Variants in COQ8A observed in about 807,000 individuals in gnomAD.
COQ8A encodes the protein coenzyme Q8A, also known as atypical kinase COQ8A, mitochondrial.
In COQ8A, 51 loss-of-function variants were observed where a neutral mutation model predicts 65.0. The observed-to-expected ratio is 0.78, with a 90% CI of 0.63 to 0.99. The LOEUF is 0.99. Ranked by LOEUF, COQ8A falls within the 50% of genes least tolerant of loss-of-function variation. COQ8A has a pLI of 0.00. For missense variants in COQ8A, 940 were observed against 875.0 expected, an observed-to-expected ratio of 1.07 and a Z score of -0.94; for synonymous variants, 371 against 353.2, an observed-to-expected ratio of 1.05 and a Z score of -0.57.
intron 4 of COQ8A, among the ~76,000 whole-genome samples, chr1:226,971,154 T>C (rs1658887668): frequency 6.6e-6 from 1 of 152,090 alleles, no homozygotes; most frequent in South Asian, 2.1e-4. Flanking sequence ...TTGGCCAGGC[T>C]GATCTCGAAC....
intron 1 of COQ8A, among the ~76,000 whole-genome samples, chr1:226,944,692 T>TGA (rs1174520293): frequency 8.1e-5 from 7 of 86,740 alleles, no homozygotes; most frequent in Admixed American, 1.3e-4. Flanking sequence ...AGTTGTACCC[T>TGA]GAGAGAGAGA....
chr1:226,943,494 G>A (rs1217912592), intron 1 of COQ8A, among the ~76,000 whole-genome samples: 1 of 152,174 alleles, frequency 6.6e-6, no homozygotes. Context: ...AGGATGGCCC[G>A]AGTCCCCAAG....
chr1:226,956,017 C>T (rs1409144955), intron 1 of COQ8A, among the ~76,000 whole-genome samples: 4 of 133,430 alleles, frequency 3.0e-5, no homozygotes, highest in African/African-American at 9.4e-5. Flanking sequence ...CTGGCTCCCA[C>T]TCTCCCTGGT....
Position 226,965,310 on chromosome 1 carries a change from T to C in COQ8A, c.488T>C (p.Phe163Ser). The C allele has an allele frequency of 6.2e-7, 1 of 1,613,824 alleles. No homozygotes were observed. Among genetic ancestry groups the C allele is most frequent in the Non-Finnish European group, 8.5e-7 (1 of 1,179,990 alleles). ...FSAMGFQRRF[F>S]HQDQSPVGGL... is the part of the protein sequence containing the mutation. ...GCCATGGGCTTTCAGCGAAGGTTCT[T>C]CCACCAGGACCAATCCCCTGTTGGG... is the stretch of plus-strand genomic sequence containing the variant. The change falls in exon 3 of 15, where the codon TTC (phenylalanine) becomes TCC (serine). Residue 163 changes from phenylalanine (F) to serine (S), a missense_variant. Transcript: ENST00000366777.
In COQ8A at chr1:226,984,607, A is replaced by T; in HGVS notation, c.1458A>T (p.Gln486His). The T allele has an allele frequency of 6.2e-7, 1 of 1,614,134 alleles. No homozygotes were observed. Among genetic ancestry groups the T allele is most frequent in the Non-Finnish European group, 8.5e-7 (1 of 1,179,998 alleles). ...LRELFEFHFM[Q>H]TDPNWSNFFY... ...AGCTGTTCGAGTTCCACTTCATGCA[A>T]ACAGACCCCAACTGGTCCAACTTCT... The change falls in exon 12 of 15, where the codon CAA (glutamine) becomes CAT (histidine). Residue 486 changes from glutamine to histidine, a missense_variant. Gln to His is a conservative substitution (Grantham distance 24, BLOSUM62 0). Coordinates refer to ENST00000366777, the MANE Select transcript of COQ8A (RefSeq NM_020247.5).
At chr1:226,985,874 C>A (rs1366654456) in intron 14 of COQ8A, among the ~76,000 whole-genome samples, 1 of 152,166 alleles carries the variant, frequency 6.6e-6, no homozygotes, top group Non-Finnish European at 1.5e-5. Context: ...TATCTCTGAG[C>A]CCCCCTTATC....
intron 5 of COQ8A, among the ~76,000 whole-genome samples, chr1:226,979,341 G>A (rs1659553674): frequency 6.6e-6 from 1 of 152,196 alleles, no homozygotes; most frequent in South Asian, 2.1e-4. Context: ...GTGAACACCA[G>A]GCCGGGCTCC....
rs552968994 is a variant in COQ8A, at chr1:226,987,162, G to T, written c.*425G>T. On this transcript the variant is annotated 3_prime_UTR_variant, in exon 15 of 15. Transcript: ENST00000366777. Reference sequence around the variant, plus strand: ...TAGTAGGTGTGTGTATGTGTTTCTAGAGTGAGATTTGTGTTTTCTGCCCTT... The same window carrying T: ...TAGTAGGTGTGTGTATGTGTTTCTATAGTGAGATTTGTGTTTTCTGCCCTT... 115 of 203,752 alleles carry T rather than the reference G, an allele frequency of 5.6e-4. No homozygotes were observed. Among genetic ancestry groups the T allele is most frequent in the African/African-American group, 2.6e-3 (111 of 42,794 alleles). The allele number at this position is 203,752 out of a possible 1,614,324, so 12.6% of individuals were successfully genotyped here.
chr1:226,959,988 G>A (rs1333162967), intron 1 of COQ8A, among the ~76,000 whole-genome samples: 1 of 151,950 alleles, frequency 6.6e-6, no homozygotes, highest in Non-Finnish European at 1.5e-5. Context: ...AGTGCTTGGT[G>A]GTGTTGGTGC....
At chr1:226,983,498 A>C in intron 8 of COQ8A, 54 bp from the exon 9 acceptor site, 1 of 1,536,548 alleles carries the variant, frequency 6.5e-7, no homozygotes, top group East Asian at 2.2e-5. Flanking sequence ...TGCCCCAGGC[A>C]GGGCCCACCC....
At chr1:226,981,892 T>G in intron 5 of COQ8A, 135 bp from the exon 6 acceptor site, 2 of 1,322,476 alleles carry the variant, frequency 1.5e-6, no homozygotes, top group Non-Finnish European at 1.1e-6. Flanking sequence ...GGAACAGTAG[T>G]TAGTTATGTT....
intron 1 of COQ8A, among the ~76,000 whole-genome samples, chr1:226,955,489 TCTCTCTGGCTGCCACTCCCTGGTTCA>T (rs1657642434): frequency 7.0e-6 from 1 of 141,856 alleles, no homozygotes; most frequent in Non-Finnish European, 1.5e-5. Flanking sequence ...TGGCTGCCAC[TCTCTCTGGCTGCCACTCCCTGGTTCA>T]CACTCTCCCT....
rs141274935 is a variant in COQ8A, at chr1:226,954,519, G to A, written c.-9-6858G>A. Among the ~76,000 whole-genome samples, 829 of 152,384 alleles carry A rather than the reference G, an allele frequency of 5.4e-3. 4 individuals are homozygous for A. Among genetic ancestry groups the A allele is most frequent in the Non-Finnish European group, 8.0e-3 (543 of 68,036 alleles). On this transcript the variant is annotated intron_variant, in intron 1 of 14. Coordinates refer to ENST00000366777, the MANE Select transcript of COQ8A (RefSeq NM_020247.5). ...ACCTGCTGAGACGGAACCCTTAGGGGTGTGGCCCAGCACTCTGGACTCGTC... is the reference window on the plus strand; with the variant it reads ...ACCTGCTGAGACGGAACCCTTAGGGATGTGGCCCAGCACTCTGGACTCGTC...
chr1:226,945,827 TC>T (rs1657006931), intron 1 of COQ8A, among the ~76,000 whole-genome samples: 1 of 152,214 alleles, frequency 6.6e-6, no homozygotes, highest in Non-Finnish European at 1.5e-5. Flanking sequence ...AGTGACTGCG[TC>T]CCCTGCTCCC....
rs563269460 is a variant in COQ8A at position 226,976,457 on chromosome 1, C to CGGGTGCG, written c.656-981_656-975dup. Among the ~76,000 whole-genome samples the CGGGTGCG allele has an allele frequency of 4.3e-3, 646 of 151,398 alleles. 3 individuals carry two copies. Among genetic ancestry groups the CGGGTGCG allele is most frequent in the African/African-American group, 0.015 (601 of 41,224 alleles). ...GGGGCTGCGGGGCTGCGATGTTGCC[C>CGGGTGCG]GGGTGCGGGGTGCGGGGCTCTCCGA... On this transcript the variant is annotated intron_variant, in intron 4 of 14. Coordinates refer to ENST00000366777, the MANE Select transcript of COQ8A (RefSeq NM_020247.5).
intron 2 of COQ8A, among the ~76,000 whole-genome samples, chr1:226,964,131 T>C (rs1009177484): frequency 6.6e-6 from 1 of 152,220 alleles, no homozygotes; most frequent in Non-Finnish European, 1.5e-5. Flanking sequence ...TCCTGCTGTC[T>C]GCATACCCTG....
At chr1:226,961,655 G>A in intron 2 of COQ8A, 93 bp downstream of exon 2, 1 of 1,443,402 alleles carries the variant, frequency 6.9e-7, no homozygotes, top group Non-Finnish European at 9.3e-7. Context: ...ATGGCAACTG[G>A]TCTTTGGTGG....
chr1:226,954,664 A>G (rs568998073), intron 1 of COQ8A, among the ~76,000 whole-genome samples: 5 of 152,358 alleles, frequency 3.3e-5, no homozygotes, highest in Non-Finnish European at 7.4e-5. Context: ...CAGCCAGAGA[A>G]TAGCAGGCTT....
rs776724822 is a variant in COQ8A at position 226,984,149 on chromosome 1, T to C, written c.1312T>C (p.Cys438Arg). The C allele has an allele frequency of 3.1e-6, 5 of 1,613,884 alleles. No individual in the cohort carries two copies. In the South Asian group the frequency reaches 5.5e-5, roughly 18 times the overall value. The change falls in exon 11 of 15, where the codon TGC becomes CGC. Residue 438 changes from cysteine (C) to arginine (R), a missense_variant. By Grantham distance (180) the Cys-to-Arg change is radical. Transcript: ENST00000366777. ...TGTGCCTGAGATTGTGGATGAGCTC[T>C]GCAGCCCACATGTGCTGACCACAGA... The part of the protein sequence containing the change: ...FYVPEIVDEL[C>R]SPHVLTTELV...
Sources: allele counts gnomAD v4.1 joint callset (sites outside exome capture counted in the v4.1 genomes callset), GRCh38; gene constraint gnomAD v4.1.1; transcripts MANE v1.5; gene names NCBI Gene and HGNC (gene_info 2026-07-23, HGNC 2026-07-21).